ESRRB: variants seen among roughly 807,000 people sequenced by gnomAD.
The protein encoded by ESRRB is steroid hormone receptor ERR2.
ESRRB carries 16 observed loss-of-function variants against 46.0 expected under a neutral mutation model. The observed-to-expected ratio is 0.35, with a 90% CI of 0.24 to 0.53. ESRRB has a LOEUF of 0.53. ESRRB is among the 20% of genes least tolerant of loss of function. The pLI is 0.93. For missense variants in ESRRB, 488 were observed against 607.4 expected (o/e 0.80, Z 2.07); for synonymous variants, 246 against 259.6 (o/e 0.95, Z 0.50).
chr14:76,401,322 A>G (rs1471456339), intron 1 of ESRRB, among the ~76,000 whole-genome samples: 1 of 152,176 alleles, frequency 6.6e-6, no homozygotes, highest in Non-Finnish European at 1.5e-5. Flanking sequence ...CCTCAGTGTC[A>G]CCCAGCTGAT....
At chr14:76,469,931 T>TG (rs1402702902) in intron 3 of ESRRB, among the ~76,000 whole-genome samples, 8 of 110,704 alleles carry the variant, frequency 7.2e-5, no homozygotes, top group African/African-American at 2.8e-4. Context: ...TTTTTGTTGT[T>TG]TTTTTTTTTT....
At chr14:76,320,958 GAGACTCGCTAAATAAAGAGGCCTC>G (rs954157204) in intron 1 of ESRRB, among the ~76,000 whole-genome samples, 2 of 152,076 alleles carry the variant, frequency 1.3e-5, no homozygotes, top group Admixed American at 1.3e-4. Context: ...ATTACATTTG[GAGACTCGCTAAATAAAGAGGCCTC>G]AGAGCACAAA....
chr14:76,493,364 A>G (rs1890301719), intron 6 of ESRRB, among the ~76,000 whole-genome samples: 1 of 152,062 alleles, frequency 6.6e-6, no homozygotes, highest in African/African-American at 2.4e-5. Context: ...TATGTTGCCC[A>G]GGCTGGTCTC....
intron 5 of ESRRB, among the ~76,000 whole-genome samples, chr14:76,486,226 G>A (rs1454058054): frequency 6.6e-6 from 1 of 152,148 alleles, no homozygotes; most frequent in Non-Finnish European, 1.5e-5. Context: ...CAAATGACCC[G>A]AGCCTGCCAT....
intron 1 of ESRRB, among the ~76,000 whole-genome samples, chr14:76,416,419 GC>G (rs1886703497): frequency 2.0e-5 from 3 of 150,030 alleles, no homozygotes; most frequent in Non-Finnish European, 4.4e-5. Context: ...CCTGCGCCCC[GC>G]CTCTATTTTT....
intron 1 of ESRRB, among the ~76,000 whole-genome samples, chr14:76,347,094 C>T (rs577723511): frequency 1.3e-5 from 2 of 152,260 alleles, no homozygotes; most frequent in South Asian, 2.1e-4. Context: ...ACCCTGGCCT[C>T]TTGGAAACAA....
chr14:76,314,364 G>A (rs1017233660), intron 1 of ESRRB, among the ~76,000 whole-genome samples: 3 of 152,144 alleles, frequency 2.0e-5, no homozygotes, highest in African/African-American at 7.2e-5. Flanking sequence ...GCCTGGAGGG[G>A]CTGTGTGCCT....
chr14:76,376,432 C>A lies in ESRRB; in HGVS notation c.31C>A (p.Pro11Thr). The A allele has an allele frequency of 8.1e-7, 1 of 1,231,742 alleles. No individual in the cohort carries two copies. The allele number at this position is 1,231,742 out of a possible 1,614,324, so 76.3% of individuals were successfully genotyped here. Residue 11 changes from proline (P) to threonine (T), a missense_variant, in exon 1 of 7, where the codon CCC becomes ACC. Transcript: ENST00000644823. This position sits in a 1 kb window ranked among gnomAD's most constrained non-coding sequence, Gnocchi z 4.1. The part of the protein sequence containing the change: MDVSELCIPD[P>T]LGYHNQLLNR... ...CGTGTCCGAACTCTGCATCCCGGAC[C>A]CCCTCGGCTACCACAACCAGTAGGT...
rs1255224614 is a variant in ESRRB at position 76,500,120 on chromosome 14, C to T, written c.*1662C>T. The T allele has an allele frequency of 5.6e-6, 8 of 1,438,920 alleles. No individual in the cohort carries two copies. In the African/African-American group the frequency reaches 7.1e-5, roughly 13 times the overall value. The allele number at this position is 1,438,920 out of a possible 1,614,324, so 89.1% of individuals were successfully genotyped here. Reference sequence around the variant, plus strand: ...CCCTGGTCCCACCTCCTTGGCTCTACCCCAGGAACCTCCCGGCCTGGGCTT... The same window carrying T: ...CCCTGGTCCCACCTCCTTGGCTCTATCCCAGGAACCTCCCGGCCTGGGCTT... On this transcript the variant is annotated 3_prime_UTR_variant, in exon 7 of 7. Coordinates refer to ENST00000644823, the MANE Select transcript of ESRRB (RefSeq NM_001379180.1).
intron 1 of ESRRB, among the ~76,000 whole-genome samples, chr14:76,352,991 C>T (rs577645222): frequency 2.7e-4 from 41 of 151,264 alleles, no homozygotes; most frequent in African/African-American, 9.6e-4. Context: ...TCCTGCGGGC[C>T]GCGCGCAGGG....
intron 1 of ESRRB, among the ~76,000 whole-genome samples, chr14:76,430,634 G>C (rs1887398857): frequency 6.6e-6 from 1 of 152,210 alleles, no homozygotes; most frequent in Non-Finnish European, 1.5e-5. Flanking sequence ...GCTCAACTCT[G>C]TGAAGGAGGT....
intron 3 of ESRRB, among the ~76,000 whole-genome samples, chr14:76,477,236 G>A (rs996024691): frequency 2.0e-5 from 3 of 152,238 alleles, no homozygotes; most frequent in Non-Finnish European, 2.9e-5. Context: ...GGCAGTGCCA[G>A]AGCAGGGGAG....
At chr14:76,332,492 T>A (rs1394177538) in intron 1 of ESRRB, among the ~76,000 whole-genome samples, 12 of 107,828 alleles carry the variant, frequency 1.1e-4, no homozygotes, top group African/African-American at 3.9e-4. Context: ...TATATAAATA[T>A]ATATTTATAT....
chr14:76,374,767 C>A (rs1400019721), upstream of ESRRB, among the ~76,000 whole-genome samples: 1 of 152,290 alleles, frequency 6.6e-6, no homozygotes, highest in East Asian at 1.9e-4. Context: ...GAGACATCTT[C>A]ATCCATCTCT....
chr14:76,313,356 C>A (rs954989977), intron 1 of ESRRB, among the ~76,000 whole-genome samples: 1 of 151,864 alleles, frequency 6.6e-6, no homozygotes, highest in South Asian at 2.1e-4. Context: ...CAATTGGTCA[C>A]GGGGCTGTCT....
intron 1 of ESRRB, among the ~76,000 whole-genome samples, chr14:76,409,705 A>C (rs1314757083): frequency 6.6e-6 from 1 of 151,990 alleles, no homozygotes; most frequent in East Asian, 1.9e-4. Context: ...CCTGGGAGCC[A>C]GGGCCCCCCT....
chr14:76,329,262 A>G (rs769717625), intron 1 of ESRRB, among the ~76,000 whole-genome samples: 2 of 152,088 alleles, frequency 1.3e-5, no homozygotes, highest in East Asian at 1.9e-4. Context: ...TAAATAAATA[A>G]TCGAGTCAAT....
chr14:76,383,603 T>C (rs1219183770), intron 1 of ESRRB, among the ~76,000 whole-genome samples: 66 of 152,224 alleles, frequency 4.3e-4, no homozygotes, highest in Non-Finnish European at 1.9e-4. Context: ...TCCAGCTTGC[T>C]GTAGTTTGCC....
intron 1 of ESRRB, among the ~76,000 whole-genome samples, chr14:76,395,446 A>G (rs577060509): frequency 6.6e-6 from 1 of 152,282 alleles, no homozygotes; most frequent in South Asian, 2.1e-4. Context: ...ACATAAAGGA[A>G]TAGACAGCCC....
Sources: gnomAD v4.1 joint callset for allele counts (sites outside exome capture counted in the v4.1 genomes callset) on GRCh38, gnomAD v4.1.1 for gene constraint, Gnocchi (gnomAD v3.1) non-coding constraint, MANE v1.5 for transcripts, NCBI Gene and HGNC (gene_info 2026-07-23, HGNC 2026-07-21) for gene names.